Variants in TERF2 observed in about 807,000 individuals in gnomAD.
TERF2 encodes telomeric repeat-binding factor 2.
TERF2 carries 16 observed loss-of-function variants against 56.1 expected under a neutral mutation model. The ratio of observed to expected loss-of-function variants is 0.29; its 90% CI spans 0.19 to 0.43. The LOEUF (loss-of-function observed/expected upper bound fraction) is 0.43. Ranked by LOEUF, TERF2 falls within the 20% of genes least tolerant of loss-of-function variation. The pLI is 1.00. For missense variants in TERF2, 547 were observed against 712.9 expected (o/e 0.77, Z 2.65); for synonymous variants, 296 against 282.1 (o/e 1.05, Z -0.50).
chr16:69,362,548 G>A (rs1056433726), intron 7 of TERF2, among the ~76,000 whole-genome samples: 1 of 152,170 alleles, frequency 6.6e-6, no homozygotes, highest in Non-Finnish European at 1.5e-5. Context: ...CCACAAGGGA[G>A]TTATACCATC....
At position 69,356,661 on chromosome 16, in the gene TERF2, G is replaced by A. The variant is rs942136102; in HGVS notation, c.*237C>T. The A allele has an allele frequency of 1.2e-4, 49 of 392,208 alleles. No individual in the cohort carries two copies. The highest frequency in any genetic ancestry group is 1.4e-4 in the Non-Finnish European group (30 of 218,310). The allele number at this position is 392,208 out of a possible 1,614,324, so 24.3% of individuals were successfully genotyped here. On this transcript the variant is annotated 3_prime_UTR_variant, in exon 10 of 10. Coordinates refer to ENST00000254942, the MANE Select transcript of TERF2 (RefSeq NM_005652.5). ...TAAAAATACAAAACATTAGCCGGGC[G>A]TGATGGCGGGCGCCTGTAGTCCCAG...
chr16:69,373,967 C>A (rs150701745), intron 3 of TERF2, among the ~76,000 whole-genome samples: 2 of 152,206 alleles, frequency 1.3e-5, no homozygotes, highest in Admixed American at 6.5e-5. Flanking sequence ...CTATCCTCAA[C>A]GTGTTAAGCA....
At position 69,385,373 on chromosome 16, in the gene TERF2, A is replaced by G; in HGVS notation, c.475+18T>C. ...CCTACGCAAGTAAGCCCAGAGAAGA[A>G]CACAAAAATAGCCATACCTAAATTT... On this transcript the variant is annotated intron_variant, in intron 2 of 9. Transcript: ENST00000254942. 2 of 1,607,656 alleles carry G rather than the reference A, an allele frequency of 1.2e-6. No individual in the cohort carries two copies. The highest frequency in any genetic ancestry group is 1.7e-6 in the Non-Finnish European group (2 of 1,174,250).
chr16:69,369,131 T>G (rs750009916), intron 5 of TERF2, among the ~76,000 whole-genome samples: 1 of 149,242 alleles, frequency 6.7e-6, no homozygotes, highest in African/African-American at 2.5e-5. Context: ...GTTATATAGA[T>G]AAGGATAGTT....
intron 5 of TERF2, among the ~76,000 whole-genome samples, chr16:69,369,303 G>T (rs1389306797): frequency 6.6e-6 from 1 of 152,144 alleles, no homozygotes; most frequent in Non-Finnish European, 1.5e-5. Flanking sequence ...TGGCAGATCT[G>T]TTACGAGACA....
Position 69,357,006 on chromosome 16 carries a change from A to G in TERF2, c.1521T>C (p.Tyr507=), listed in dbSNP as rs1407913179. ...AAATGGCAGCCCAGTTTCCTTCCCC[A>G]TATTTCTGCACTCCAGCCTTGACCC... is the stretch of plus-strand genomic sequence containing the variant. The part of the protein sequence containing the change: ...SEWVKAGVQK[Y]GEGNWAAISK... The change falls in exon 10 of 10, where the codon TAT becomes TAC. Residue 507 remains tyrosine (Y), a synonymous_variant. Transcript: ENST00000254942. 2.5e-6 allele frequency: 4 copies of G among 1,613,956 alleles called. No homozygotes were observed. Among genetic ancestry groups the G allele is most frequent in the South Asian group, 1.1e-5 (1 of 91,084 alleles).
In TERF2 at chr16:69,357,502, G is replaced by T; in HGVS notation, c.1470+16C>A. On this transcript the variant is annotated intron_variant, in intron 9 of 9. Coordinates refer to ENST00000254942, the MANE Select transcript of TERF2 (RefSeq NM_005652.5). ...TACCCACATAACCAGTAACAGAAAA[G>T]AGAATTTTAAATTACCTGCTTTTTT... 6.2e-7 allele frequency: 1 copy of T among 1,609,626 alleles called. No homozygotes were observed.
At position 69,384,666 on chromosome 16, in the gene TERF2, C is replaced by G; in HGVS notation, c.520G>C (p.Ala174Pro). 2 of 1,614,138 alleles carry G rather than the reference C, an allele frequency of 1.2e-6. No homozygotes were observed. Among genetic ancestry groups the G allele is most frequent in the Non-Finnish European group, 1.7e-6 (2 of 1,180,000 alleles). ...MEAELTPLES[A>P]INVLEMIKTE... ...TTAATCATCTCCAGCACATTGATAGCTGATTCCAGTGGTGTGAGCTCAGCC... is the reference window on the plus strand; with the variant it reads ...TTAATCATCTCCAGCACATTGATAGGTGATTCCAGTGGTGTGAGCTCAGCC... Residue 174 changes from alanine to proline, a missense_variant, in exon 3 of 10, where the codon GCT becomes CCT. Transcript: ENST00000254942.
rs779098904 is a variant in TERF2 at position 69,385,730 on chromosome 16, G to A, written c.242C>T (p.Ala81Val). Residue 81 changes from alanine (A) to valine (V), a missense_variant, in exon 1 of 10, where the codon GCG (alanine) becomes GTG (valine). Physicochemically the swap from Ala to Val is moderately conservative, Grantham distance 64. This residue lies in a region of TERF2 where 120 missense variants were observed against 172.4 expected (regional missense o/e 0.70). Transcript: ENST00000254942. The stretch of plus-strand genomic sequence containing the variant: ...CCGTGCCTCCCCCGCGCCGCGCTCC[G>A]CCGGGCCCCCCAGCCCCGGCTCGTG... ...GRHEPGLGGP[A>V]ERGAGEARLE... is the part of the protein sequence containing the mutation. 1 of 1,557,056 alleles carries A rather than the reference G, an allele frequency of 6.4e-7. No homozygotes were observed. The highest frequency in any genetic ancestry group is 8.7e-7 in the Non-Finnish European group (1 of 1,155,678).
chr16:69,379,798 G>T (rs182195513), intron 3 of TERF2, among the ~76,000 whole-genome samples: 1 of 152,186 alleles, frequency 6.6e-6, no homozygotes, highest in East Asian at 1.9e-4. Flanking sequence ...TAATGAGAAG[G>T]GTGACATTTG....
At chr16:69,376,622 C>T (rs997142758) in intron 3 of TERF2, among the ~76,000 whole-genome samples, 3 of 149,466 alleles carry the variant, frequency 2.0e-5, no homozygotes, top group Non-Finnish European at 3.0e-5. Flanking sequence ...GAGGTGGGAG[C>T]GTCACTTGAG....
At chr16:69,367,350 A>G (rs1279250438) in intron 6 of TERF2, 151 bp from the exon 7 acceptor site, 2 of 860,780 alleles carry the variant, frequency 2.3e-6, no homozygotes, top group Admixed American at 5.9e-5. Context: ...TAAAACTCCA[A>G]GTTAGAGAAC....
chr16:69,385,923 C>T lies in TERF2; in HGVS notation c.49G>A (p.Val17Met). The change falls in exon 1 of 10, where the codon GTG becomes ATG. Residue 17 changes from valine to methionine, a missense_variant. By Grantham distance (21) the Val-to-Met change is conservative. Transcript: ENST00000254942. The part of the protein sequence containing the change: ...TAGPASGPGV[V>M]RDPAASQPRK... The stretch of plus-strand genomic sequence containing the variant: ...GGCTGTGACGCCGCTGGGTCACGCA[C>T]GACGCCCGGGCCGGAAGCGGGGCCC... 1 of 1,383,964 alleles carries T rather than the reference C, an allele frequency of 7.2e-7. No individual in the cohort carries two copies. Among genetic ancestry groups the T allele is most frequent in the Middle Eastern group, 2.6e-4 (1 of 3,778 alleles). The allele number at this position is 1,383,964 out of a possible 1,614,324, so 85.7% of individuals were successfully genotyped here.
Position 69,384,619 on chromosome 16 carries a change from T to C in TERF2, c.567A>G (p.Glu189=). Residue 189 remains glutamate, a synonymous_variant, in exon 3 of 10, where the codon GAA becomes GAG. Transcript: ENST00000254942. The part of the protein sequence containing the change: ...EMIKTEFTLT[E]AVVESSRKLV... ...GTTTTCTACTGGATTCGACCACTGC[T>C]TCTGTCAGTGTAAATTCCGTTTTAA... 6.2e-7 allele frequency: 1 copy of C among 1,614,176 alleles called. No homozygotes were observed. The highest frequency in any genetic ancestry group is 8.5e-7 in the Non-Finnish European group (1 of 1,180,024).
intron 3 of TERF2, among the ~76,000 whole-genome samples, chr16:69,382,059 T>C (rs1386499438): frequency 6.6e-6 from 1 of 152,188 alleles, no homozygotes; most frequent in Non-Finnish European, 1.5e-5. Flanking sequence ...CATCCTTGCT[T>C]TTGTACCATC....
Position 69,356,924 on chromosome 16 carries a change from T to A in TERF2, c.1603A>T (p.Thr535Ser). 1 of 1,613,628 alleles carries A rather than the reference T, an allele frequency of 6.2e-7. No homozygotes were observed. The highest frequency in any genetic ancestry group is 8.5e-7 in the Non-Finnish European group (1 of 1,179,812). The change falls in exon 10 of 10, where the codon ACC (threonine) becomes TCC (serine). Residue 535 changes from threonine (T) to serine (S), a missense_variant. Coordinates refer to ENST00000254942, the MANE Select transcript of TERF2 (RefSeq NM_005652.5). ...CAGTTCATGCCAAGTCTTTTCATGG[T>A]CCGCCAGCGATCCTTAATCATCACA... ...TAVMIKDRWR[T>S]MKRLGMN
At chr16:69,375,799 T>C (rs1427000461) in intron 3 of TERF2, among the ~76,000 whole-genome samples, 2 of 152,188 alleles carry the variant, frequency 1.3e-5, no homozygotes, top group Non-Finnish European at 2.9e-5. Flanking sequence ...TTGAATCTAC[T>C]GTGGTTTTAA....
chr16:69,380,638 CAGAG>C (rs567981108), intron 3 of TERF2, among the ~76,000 whole-genome samples: 4 of 145,110 alleles, frequency 2.8e-5, no homozygotes, highest in East Asian at 4.1e-4. Context: ...GCCTGGGCGA[CAGAG>C]AGAGACTACG....
At position 69,356,291 on chromosome 16, in the gene TERF2, C is replaced by T. The variant is rs556808259; in HGVS notation, c.*607G>A. On this transcript the variant is annotated 3_prime_UTR_variant, in exon 10 of 10. Transcript: ENST00000254942. Reference sequence around the variant, plus strand: ...TCCTAGGAGAAGGTTCTACAGATTACCAGGGATTTAAATTTAAGCAAACCA... The same window carrying T: ...TCCTAGGAGAAGGTTCTACAGATTATCAGGGATTTAAATTTAAGCAAACCA... The T allele has an allele frequency of 2.4e-6, 1 of 421,366 alleles. No homozygotes were observed. Among genetic ancestry groups the T allele is most frequent in the Admixed American group, 3.0e-5 (1 of 33,330 alleles). The allele number at this position is 421,366 out of a possible 1,614,324, so 26.1% of individuals were successfully genotyped here.
Sources: gnomAD v4.1 joint callset for allele counts (sites outside exome capture counted in the v4.1 genomes callset) on GRCh38, gnomAD v4.1.1 for gene constraint, gnomAD v4.1.1 regional missense constraint, MANE v1.5 for transcripts, NCBI Gene and HGNC (gene_info 2026-07-23, HGNC 2026-07-21) for gene names.